SRGAP1: variants seen among roughly 807,000 people sequenced by gnomAD.
SRGAP1 encodes SLIT-ROBO Rho GTPase activating protein 1, also known as SLIT-ROBO Rho GTPase-activating protein 1.
Under a neutral mutation model 121.9 loss-of-function variants are expected in SRGAP1, and 43 were observed. The ratio of observed to expected loss-of-function variants is 0.35; its 90% confidence interval spans 0.28 to 0.46. SRGAP1 has a LOEUF of 0.46. Among genes scored for constraint, SRGAP1 ranks in the 20% least tolerant of loss-of-function variants. The pLI is 1.00. For synonymous variants in SRGAP1, 447 were observed against 485.4 expected, an observed-to-expected ratio of 0.92 and a Z score of 1.04; for missense variants, 1,102 against 1,350.9, an observed-to-expected ratio of 0.82 and a Z score of 2.89.
intron 1 of SRGAP1, among the ~76,000 whole-genome samples, chr12:63,852,291 C>T (rs1899102081): frequency 6.6e-6 from 1 of 152,202 alleles, no homozygotes; most frequent in Admixed American, 6.5e-5. Context: ...CCACCTCGCC[C>T]AGCATGTTGT....
At chr12:63,919,824 T>C (rs1237041550) in intron 1 of SRGAP1, among the ~76,000 whole-genome samples, 1 of 152,246 alleles carries the variant, frequency 6.6e-6, no homozygotes, top group Non-Finnish European at 1.5e-5. Context: ...CATTGTTGCA[T>C]GTAGCTGTAG....
Position 63,844,810 on chromosome 12 carries a change from C to G in SRGAP1, c.-7C>G. The G allele has an allele frequency of 6.2e-7, 1 of 1,614,168 alleles. No individual in the cohort carries two copies. The highest frequency in any genetic ancestry group is 1.1e-5 in the South Asian group (1 of 91,080). On this transcript the variant is annotated 5_prime_UTR_variant, in exon 1 of 22. Coordinates refer to ENST00000355086, the MANE Select transcript of SRGAP1 (RefSeq NM_020762.4). The surrounding 1 kb of genome is among the most constrained non-coding windows in gnomAD (Gnocchi z 4.3). ...CCCATTGAAAGCAAACCCGGAACAG[C>G]TGGATAATGTCCACCCCGAGCCGAT...
At chr12:63,939,874 C>T (rs1031135038) in intron 1 of SRGAP1, among the ~76,000 whole-genome samples, 2 of 152,088 alleles carry the variant, frequency 1.3e-5, no homozygotes, top group African/African-American at 4.8e-5. Context: ...TGTAAAGTCT[C>T]TGCAACTCTC....
chr12:63,955,313 T>C (rs926873311), intron 1 of SRGAP1, among the ~76,000 whole-genome samples: 2 of 152,156 alleles, frequency 1.3e-5, no homozygotes, highest in Non-Finnish European at 2.9e-5. Flanking sequence ...AGTGAGACTC[T>C]GCCTCAAGAA....
chr12:63,938,528 A>G (rs751273973), intron 1 of SRGAP1, among the ~76,000 whole-genome samples: 3 of 152,152 alleles, frequency 2.0e-5, no homozygotes, highest in Non-Finnish European at 4.4e-5. Flanking sequence ...TGAACAGAAA[A>G]GAATAGTTGA....
chr12:63,865,185 G>A (rs1042112235), intron 1 of SRGAP1, among the ~76,000 whole-genome samples: 1 of 152,082 alleles, frequency 6.6e-6, no homozygotes, highest in Non-Finnish European at 1.5e-5. Flanking sequence ...GGCAGGGCAC[G>A]GTGGCTCACT....
chr12:63,993,925 A>G (rs1025837034), intron 3 of SRGAP1, among the ~76,000 whole-genome samples: 19 of 152,150 alleles, frequency 1.2e-4, no homozygotes, highest in Non-Finnish European at 2.9e-5. Context: ...TGATTATTTT[A>G]GATTTATGCC....
intron 1 of SRGAP1, among the ~76,000 whole-genome samples, chr12:63,867,070 C>T (rs556237845): frequency 6.6e-6 from 1 of 152,086 alleles, no homozygotes; most frequent in African/African-American, 2.4e-5. Flanking sequence ...ACGGTGGTCT[C>T]GAACTCCTGG....
intron 1 of SRGAP1, among the ~76,000 whole-genome samples, chr12:63,976,176 G>C (rs2033089471): frequency 6.6e-6 from 1 of 152,158 alleles, no homozygotes; most frequent in Non-Finnish European, 1.5e-5. Context: ...ACGCCAGGTG[G>C]TTTTTATCAT....
intron 8 of SRGAP1, among the ~76,000 whole-genome samples, chr12:64,068,524 A>T (rs12824834): frequency 1 from 150,539 of 150,590 alleles, 75,244 homozygotes; most frequent in Middle Eastern, 1. Flanking sequence ...TCATAGAGAC[A>T]GGGTTTCCCC....
At chr12:63,951,383 C>T (rs943931812) in intron 1 of SRGAP1, among the ~76,000 whole-genome samples, 2 of 151,960 alleles carry the variant, frequency 1.3e-5, no homozygotes, top group East Asian at 1.9e-4. Flanking sequence ...AGGCTGGTCT[C>T]GAACTCCTGA....
At chr12:63,949,090 TATATGTATTTTCC>T (rs2032179185) in intron 1 of SRGAP1, among the ~76,000 whole-genome samples, 1 of 145,358 alleles carries the variant, frequency 6.9e-6, no homozygotes, top group Non-Finnish European at 1.5e-5. Context: ...GTATTTTCCA[TATATGTATTTTCC>T]ATATATATAC....
intron 1 of SRGAP1, among the ~76,000 whole-genome samples, chr12:63,850,634 A>G (rs1265028272): frequency 1.5e-5 from 2 of 136,904 alleles, no homozygotes; most frequent in Non-Finnish European, 3.1e-5. Flanking sequence ...GGGTTTCGCC[A>G]TGTTGCCCAG....
At chr12:64,111,712 C>A in intron 16 of SRGAP1, 50 bp from the exon 17 acceptor site, 2 of 1,470,018 alleles carry the variant, frequency 1.4e-6, no homozygotes, top group Non-Finnish European at 1.9e-6. Flanking sequence ...CATTTATATC[C>A]TTTTTTTCTC....
rs1045619118 is a variant in SRGAP1, at chr12:63,956,166, G to A, written c.68-27781G>A. ...ACTACAGACATGCACCTCCATGCCT[G>A]ACTAATTTTGTACTTTTCTGTGAAA... On this transcript the variant is annotated intron_variant, in intron 1 of 21. Transcript: ENST00000355086. Among the ~76,000 whole-genome samples, 6 of 152,228 alleles carry A rather than the reference G, an allele frequency of 3.9e-5. No homozygotes were observed. The South Asian group carries it at 1.0e-3, about 26-fold the overall frequency.
intron 1 of SRGAP1, among the ~76,000 whole-genome samples, chr12:63,943,474 C>A (rs1426375857): frequency 6.6e-6 from 1 of 152,168 alleles, no homozygotes; most frequent in Admixed American, 6.6e-5. Context: ...AATTATTCTA[C>A]TTTTTACACT....
intron 4 of SRGAP1, among the ~76,000 whole-genome samples, chr12:64,033,406 G>T (rs1433290342): frequency 2.6e-5 from 4 of 152,040 alleles, no homozygotes; most frequent in Non-Finnish European, 4.4e-5. Context: ...GTTCACCTTG[G>T]TCTATTTGCT....
At chr12:63,894,281 C>T (rs940668773) in intron 1 of SRGAP1, among the ~76,000 whole-genome samples, 67 of 152,170 alleles carry the variant, frequency 4.4e-4, no homozygotes, top group Middle Eastern at 3.4e-3. Context: ...AAGACCGTTT[C>T]ATCAGAGTAG....
At chr12:64,023,204 C>CAAAAAAAAAAAAAAAAAAAAAAAAAAA (rs11312893) in intron 4 of SRGAP1, among the ~76,000 whole-genome samples, 1 of 77,076 alleles carries the variant, frequency 1.3e-5, no homozygotes, top group Non-Finnish European at 2.4e-5. Context: ...ACTTTTGTAC[C>CAAAAAAAAAAAAAAAAAAAAAAAAAAA]AAAAAAAAAA....
Sources: gnomAD v4.1 joint callset for allele counts (sites outside exome capture counted in the v4.1 genomes callset) on GRCh38, gnomAD v4.1.1 for gene constraint, Gnocchi (gnomAD v3.1) non-coding constraint, MANE v1.5 for transcripts, NCBI Gene and HGNC (gene_info 2026-07-23, HGNC 2026-07-21) for gene names.